Variants in WWOX observed in about 807,000 individuals in gnomAD.
The protein encoded by WWOX is WW domain-containing oxidoreductase.
In WWOX, 69 loss-of-function variants were observed where a neutral mutation model predicts 46.2. The observed-to-expected ratio is 1.49, with a 90% confidence interval of 1.23 to 1.82. WWOX has a LOEUF of 1.82. Ranked by LOEUF, WWOX falls within the 40% of genes most tolerant of loss-of-function variation. WWOX has a pLI of 0.00. For synonymous variants in WWOX, 359 were observed against 202.6 expected, an observed-to-expected ratio of 1.77 and a Z score of -6.56; for missense variants, 919 against 542.6, an observed-to-expected ratio of 1.69 and a Z score of -6.89.
chr16:78,200,502 G>C (rs539500697), intron 5 of WWOX, among the ~76,000 whole-genome samples: 1 of 150,060 alleles, frequency 6.7e-6, no homozygotes, highest in Non-Finnish European at 1.5e-5. Context: ...GTCTTGTCCA[G>C]GTGCTTAGTA....
intron 8 of WWOX, among the ~76,000 whole-genome samples, chr16:79,021,133 T>G (rs1212965607): frequency 6.6e-6 from 1 of 152,200 alleles, no homozygotes; most frequent in Non-Finnish European, 1.5e-5. Flanking sequence ...GGCCATTATA[T>G]ATTTGTTGAA....
chr16:78,295,432 C>G (rs1023750153), intron 5 of WWOX, among the ~76,000 whole-genome samples: 15 of 152,242 alleles, frequency 9.9e-5, no homozygotes, highest in Admixed American at 4.6e-4. Context: ...TTCTCCAAGG[C>G]CAGGTGTGGT....
intron 8 of WWOX, among the ~76,000 whole-genome samples, chr16:79,061,121 C>A (rs1197735705): frequency 6.6e-6 from 1 of 152,176 alleles, no homozygotes; most frequent in African/African-American, 2.4e-5. Context: ...GGCCATGGTG[C>A]TCACAGTCTC....
At chr16:78,847,560 C>T (rs562171609) in intron 8 of WWOX, among the ~76,000 whole-genome samples, 1 of 152,034 alleles carries the variant, frequency 6.6e-6, no homozygotes, top group South Asian at 2.1e-4. Flanking sequence ...TCTCAAAGTC[C>T]TGGGCTCAAG....
intron 8 of WWOX, among the ~76,000 whole-genome samples, chr16:79,069,397 C>T (rs540777386): frequency 6.6e-6 from 1 of 152,292 alleles, no homozygotes; most frequent in South Asian, 2.1e-4. Flanking sequence ...CATTGACAGA[C>T]AGGACCTTTT....
chr16:79,150,135 G>C (rs1357332615), intron 8 of WWOX, among the ~76,000 whole-genome samples: 2 of 152,198 alleles, frequency 1.3e-5, no homozygotes, highest in African/African-American at 4.8e-5. Flanking sequence ...ACCAAGCTTA[G>C]CTCTGCTCAG....
chr16:78,422,688 C>CACACACACACACATATATATATAT (rs1597211337), intron 6 of WWOX, among the ~76,000 whole-genome samples: 2 of 21,552 alleles, frequency 9.3e-5, no homozygotes, highest in East Asian at 1.1e-3. Flanking sequence ...TATATATACA[C>CACACACACACACATATATATATAT]ACACACACAC....
chr16:78,883,416 C>T (rs1234825381), intron 8 of WWOX, among the ~76,000 whole-genome samples: 1 of 152,130 alleles, frequency 6.6e-6, no homozygotes, highest in Non-Finnish European at 1.5e-5. Flanking sequence ...TTAATAGTAA[C>T]ATACCATTTT....
At chr16:78,971,401 G>T (rs952794279) in intron 8 of WWOX, among the ~76,000 whole-genome samples, 1 of 146,564 alleles carries the variant, frequency 6.8e-6, no homozygotes, top group Non-Finnish European at 1.5e-5. Flanking sequence ...GTTGCAGTGA[G>T]CCAAGGTCAC....
At chr16:79,170,186 C>T (rs1327875141) in intron 8 of WWOX, among the ~76,000 whole-genome samples, 1 of 152,174 alleles carries the variant, frequency 6.6e-6, no homozygotes, top group East Asian at 1.9e-4. Flanking sequence ...GGAAATGATT[C>T]CCGGTAGAAT....
At chr16:78,395,634 A>G (rs189417632) in intron 6 of WWOX, among the ~76,000 whole-genome samples, 30 of 152,324 alleles carry the variant, frequency 2.0e-4, no homozygotes, top group Admixed American at 1.8e-3. Context: ...AATGAGCTTC[A>G]CATTGCCTGC....
At position 78,447,068 on chromosome 16, in the gene WWOX, A is replaced by G. The variant is rs180700900; in HGVS notation, c.1056+14316A>G. 8.5e-5 allele frequency among the ~76,000 whole-genome samples: 13 copies of G among 152,310 alleles called. No individual in the cohort carries two copies. The East Asian group carries it at 2.5e-3, about 29-fold the overall frequency. On this transcript the variant is annotated intron_variant, in intron 8 of 8. Coordinates refer to ENST00000566780, the MANE Select transcript of WWOX (RefSeq NM_016373.4). ...TGCTTCTCTGTACTCTGTCCTGTCC[A>G]GTGCCTTTCAGAAGTAAGGTTTTTA...
intron 8 of WWOX, among the ~76,000 whole-genome samples, chr16:78,695,804 C>A (rs2048086170): frequency 1.3e-5 from 2 of 152,174 alleles, no homozygotes; most frequent in African/African-American, 4.8e-5. Flanking sequence ...TGACCAGGTG[C>A]CCAATATTTT....
intron 8 of WWOX, among the ~76,000 whole-genome samples, chr16:78,819,122 C>T (rs1373893253): frequency 6.6e-6 from 1 of 152,224 alleles, no homozygotes; most frequent in South Asian, 2.1e-4. Context: ...CTCTTCTGCA[C>T]TCTTTCTCAG....
intron 8 of WWOX, among the ~76,000 whole-genome samples, chr16:78,774,914 C>G (rs2050152899): frequency 6.6e-6 from 1 of 152,132 alleles, no homozygotes; most frequent in Non-Finnish European, 1.5e-5. Flanking sequence ...TCACCGTTGC[C>G]CATAGCACTC....
At chr16:78,914,831 A>T (rs1229094604) in intron 8 of WWOX, among the ~76,000 whole-genome samples, 3 of 143,946 alleles carry the variant, frequency 2.1e-5, no homozygotes, top group East Asian at 4.3e-4. Flanking sequence ...GTGAGCCAGG[A>T]TCGCGCCACT....
At chr16:78,144,472 T>TATATATATATATAC (rs2034116314) in intron 4 of WWOX, among the ~76,000 whole-genome samples, 1 of 30,504 alleles carries the variant, frequency 3.3e-5, no homozygotes, top group Non-Finnish European at 5.7e-5. Flanking sequence ...TACACACATA[T>TATATATATATATAC]ATATATATAT....
In WWOX at chr16:78,632,557, ATTT is replaced by A. The variant is rs545062752; in HGVS notation, c.1056+199824_1056+199826del. Among the ~76,000 whole-genome samples the A allele has an allele frequency of 3.0e-3, 221 of 74,742 alleles. 3 individuals carry two copies. The highest frequency in any genetic ancestry group is 9.6e-3 in the African/African-American group (172 of 17,972). 49.0% of individuals were successfully genotyped at this position (74,742 alleles called of 152,430 possible). A position where few individuals can be genotyped will look rare whatever the true frequency, so the allele number is the denominator to read the frequency against. Reference sequence around the variant, plus strand: ...CTCTCTTCCCCCACTTACTTGGCCAATTTTTTTTTTTTTTTTTTTTTGGTGGAG... The same window carrying A: ...CTCTCTTCCCCCACTTACTTGGCCAATTTTTTTTTTTTTTTTTTGGTGGAG... On this transcript the variant is annotated intron_variant, in intron 8 of 8. Coordinates refer to ENST00000566780, the MANE Select transcript of WWOX (RefSeq NM_016373.4).
intron 8 of WWOX, among the ~76,000 whole-genome samples, chr16:78,550,417 C>T (rs183846623): frequency 1.3e-5 from 2 of 152,304 alleles, no homozygotes; most frequent in Non-Finnish European, 1.5e-5. Flanking sequence ...GGTTGTGTGA[C>T]AATAAAACTT....
Sources: allele counts gnomAD v4.1 joint callset (sites outside exome capture counted in the v4.1 genomes callset), GRCh38; gene constraint gnomAD v4.1.1; transcripts MANE v1.5; gene names NCBI Gene and HGNC (gene_info 2026-07-23, HGNC 2026-07-21).